The following PTPRK variants were observed in gnomAD, a reference collection of about 807,000 sequenced individuals.
PTPRK encodes receptor-type tyrosine-protein phosphatase kappa.
PTPRK carries 75 observed loss-of-function variants against 178.0 expected under a neutral mutation model. That is an observed-to-expected ratio of 0.42 (90% CI 0.35 to 0.51). The LOEUF (loss-of-function observed/expected upper bound fraction) is 0.51, where lower values mean the gene tolerates loss of function less well. PTPRK is among the 20% of genes least tolerant of loss of function. The probability of loss-of-function intolerance (pLI) is 0.02; values close to 1 mark genes in which losing one functional copy is unlikely to be tolerated. For missense variants in PTPRK, 1,441 were observed against 1,797.8 expected (o/e 0.80, Z 3.59); for synonymous variants, 637 against 620.6 (o/e 1.03, Z -0.39).
At chr6:128,208,578 G>A (rs1258325473) in intron 6 of PTPRK, among the ~76,000 whole-genome samples, 1 of 152,106 alleles carries the variant, frequency 6.6e-6, no homozygotes, top group East Asian at 1.9e-4. Flanking sequence ...TGCAGATAAT[G>A]TCAGCAATAA....
chr6:128,188,555 TA>T (rs1442918206), intron 6 of PTPRK, among the ~76,000 whole-genome samples: 4 of 152,166 alleles, frequency 2.6e-5, no homozygotes, highest in African/African-American at 9.7e-5. Flanking sequence ...TAAAGTATCG[TA>T]AGATTAGTCC....
At chr6:128,105,910 C>T (rs574019827) in intron 7 of PTPRK, among the ~76,000 whole-genome samples, 5 of 152,192 alleles carry the variant, frequency 3.3e-5, no homozygotes, top group East Asian at 1.9e-4. Context: ...TTTACCACTC[C>T]GATTATGATA....
intron 3 of PTPRK, among the ~76,000 whole-genome samples, chr6:128,298,011 C>T (rs1824806490): frequency 6.6e-6 from 1 of 152,004 alleles, no homozygotes; most frequent in African/African-American, 2.4e-5. Flanking sequence ...AGAGAAGAAT[C>T]ATATAGATGC....
At chr6:128,066,505 C>T (rs1169644551) in intron 12 of PTPRK, among the ~76,000 whole-genome samples, 1 of 49,298 alleles carries the variant, frequency 2.0e-5, no homozygotes. Context: ...TCCAATTAAA[C>T]TCTTTAAGAT....
At chr6:127,994,086 T>G (rs1776886003) in intron 18 of PTPRK, among the ~76,000 whole-genome samples, 1 of 151,732 alleles carries the variant, frequency 6.6e-6, no homozygotes, top group Admixed American at 6.6e-5. Context: ...ATTTATATAA[T>G]GAATAAGAGT....
At chr6:128,297,659 G>C (rs1275819627) in intron 3 of PTPRK, among the ~76,000 whole-genome samples, 1 of 152,152 alleles carries the variant, frequency 6.6e-6, no homozygotes, top group East Asian at 1.9e-4. Context: ...CAGAAATAAA[G>C]ATGTTCTTTG....
At chr6:128,197,184 CTTTTTT>C (rs5879879) in intron 6 of PTPRK, among the ~76,000 whole-genome samples, 9 of 138,650 alleles carry the variant, frequency 6.5e-5, no homozygotes, top group Non-Finnish European at 1.4e-4. Context: ...TTGTTTTTTT[CTTTTTT>C]TTTTTTTTGG....
At chr6:127,987,275 G>GAA (rs34440526) in intron 21 of PTPRK, among the ~76,000 whole-genome samples, 95 of 149,442 alleles carry the variant, frequency 6.4e-4, no homozygotes, top group Non-Finnish European at 1.3e-3. Context: ...TAAATAACAA[G>GAA]AAAAAAAAAT....
intron 1 of PTPRK, among the ~76,000 whole-genome samples, chr6:128,481,947 C>T (rs534463708): frequency 3.2e-4 from 49 of 152,094 alleles, no homozygotes; most frequent in Admixed American, 2.9e-3. Flanking sequence ...GTTTGGCTAC[C>T]GTACATTTTC....
chr6:128,019,528 TA>T (rs1477516936), intron 13 of PTPRK, among the ~76,000 whole-genome samples: 2 of 118,544 alleles, frequency 1.7e-5, no homozygotes, highest in Non-Finnish European at 3.4e-5. Flanking sequence ...GAGGAAGCCT[TA>T]GAAGCAAAAA....
At chr6:128,015,459 C>T (rs116175003) in intron 13 of PTPRK, among the ~76,000 whole-genome samples, 2,199 of 151,760 alleles carry the variant, frequency 0.014, 66 homozygotes, top group African/African-American at 0.05. Flanking sequence ...ACCCCACCTT[C>T]GACTGCCTTC....
intron 1 of PTPRK, among the ~76,000 whole-genome samples, chr6:128,444,054 T>C (rs1253143852): frequency 1.3e-5 from 2 of 152,132 alleles, no homozygotes; most frequent in African/African-American, 2.4e-5. Context: ...GGTTTCACCA[T>C]GTTGGCCAGG....
Position 128,520,473 on chromosome 6 carries a change from A to G in PTPRK, c.-115T>C, listed in dbSNP as rs1858893918. The G allele has an allele frequency of 1.1e-6, 1 of 936,038 alleles. No individual in the cohort carries two copies. Among genetic ancestry groups the G allele is most frequent in the Non-Finnish European group, 1.6e-6 (1 of 607,324 alleles). The allele number at this position is 936,038 out of a possible 1,614,324, so 58.0% of individuals were successfully genotyped here. ...CGCGGGGTGAGGACGGTGAGAGGAC[A>G]GCCGCCCGCCCGCCCTTTTTCCTTC... On this transcript the variant is annotated 5_prime_UTR_variant, in exon 1 of 30. Coordinates refer to ENST00000368226, the MANE Select transcript of PTPRK (RefSeq NM_002844.4).
In PTPRK at chr6:128,037,097, G is replaced by A. The variant is rs369531445; in HGVS notation, c.2194+27661C>T. On this transcript the variant is annotated intron_variant, in intron 13 of 29. Transcript: ENST00000368226. ...TGTTCACTGTGCTGCCACCTCCCTCGCCTTTTTCCTTTGGATTAATCAGAT... is the reference window on the plus strand; with the variant it reads ...TGTTCACTGTGCTGCCACCTCCCTCACCTTTTTCCTTTGGATTAATCAGAT... Among the ~76,000 whole-genome samples the A allele has an allele frequency of 3.3e-5, 5 of 152,052 alleles. No individual in the cohort carries two copies. The East Asian group carries it at 5.8e-4, about 18-fold the overall frequency.
chr6:128,373,909 A>G (rs991989166), intron 2 of PTPRK, among the ~76,000 whole-genome samples: 5 of 152,166 alleles, frequency 3.3e-5, no homozygotes, highest in African/African-American at 1.2e-4. Flanking sequence ...TTATGTTACA[A>G]TTAATTGTAT....
intron 1 of PTPRK, among the ~76,000 whole-genome samples, chr6:128,472,389 T>C (rs1198799883): frequency 6.7e-6 from 1 of 150,310 alleles, no homozygotes; most frequent in Non-Finnish European, 1.5e-5. Flanking sequence ...CCCTCCCCAA[T>C]TTAGTTTAGG....
intron 1 of PTPRK, among the ~76,000 whole-genome samples, chr6:128,445,069 T>G (rs1050870577): frequency 6.6e-6 from 1 of 151,536 alleles, no homozygotes; most frequent in African/African-American, 2.4e-5. Context: ...CTCCTTTCTA[T>G]TATAGAATAA....
chr6:128,231,473 G>A (rs1201453405), intron 5 of PTPRK, among the ~76,000 whole-genome samples: 2 of 152,208 alleles, frequency 1.3e-5, no homozygotes, highest in East Asian at 3.9e-4. Flanking sequence ...AAAGCACAAG[G>A]GACATGGTTT....
At chr6:128,350,101 T>C (rs1456964564) in intron 2 of PTPRK, among the ~76,000 whole-genome samples, 2 of 152,020 alleles carry the variant, frequency 1.3e-5, no homozygotes, top group East Asian at 3.9e-4. Context: ...GATACATGCA[T>C]TCACTTGATG....
Sources: allele counts gnomAD v4.1 joint callset (sites outside exome capture counted in the v4.1 genomes callset), GRCh38; gene constraint gnomAD v4.1.1; transcripts MANE v1.5; gene names NCBI Gene and HGNC (gene_info 2026-07-23, HGNC 2026-07-21).